Variants in MYOCD observed in about 807,000 individuals in gnomAD.
MYOCD encodes the protein myocardin.
In MYOCD, 32 loss-of-function variants were observed where a neutral mutation model predicts 96.1. That is an observed-to-expected ratio of 0.33 (90% CI 0.25 to 0.45). MYOCD has a LOEUF of 0.45. Among genes scored for constraint, MYOCD ranks in the 20% least tolerant of loss-of-function variants. The pLI is 1.00. For missense variants in MYOCD, 1,133 were observed against 1,200.6 expected, an observed-to-expected ratio of 0.94 and a Z score of 0.83; for synonymous variants, 469 against 469.0, an observed-to-expected ratio of 1.00 and a Z score of 0.00.
At chr17:12,693,459 A>C (rs1176458833) in intron 1 of MYOCD, among the ~76,000 whole-genome samples, 1 of 151,816 alleles carries the variant, frequency 6.6e-6, no homozygotes, top group Admixed American at 6.6e-5. Context: ...AAAATACAAA[A>C]ATGAGCTGGA....
Position 12,739,137 on chromosome 17 carries a change from C to CT in MYOCD, c.592-65dup, listed in dbSNP as rs1411267505. 45 of 1,537,958 alleles carry CT rather than the reference C, an allele frequency of 2.9e-5. No homozygotes were observed. The African/African-American group carries it at 3.4e-4, about 12-fold the overall frequency. The stretch of plus-strand genomic sequence containing the variant: ...AGCAGCAGAGGTATATATACGGACT[C>CT]TAACATTTCTGTGTCACACAACTTA... On this transcript the variant is annotated intron_variant, in intron 6 of 13. Coordinates refer to ENST00000425538, the MANE Select transcript of MYOCD (RefSeq NM_001146312.3).
At chr17:12,757,940 A>G (rs2033058456) in intron 11 of MYOCD, 145 bp from the exon 12 acceptor site, 2 of 653,076 alleles carry the variant, frequency 3.1e-6, no homozygotes, top group South Asian at 1.9e-5. Context: ...CTGTTAATAT[A>G]TGGGAGTTAT....
Position 12,766,046 on chromosome 17 carries a change from T to C in MYOCD, c.*2402T>C, listed in dbSNP as rs1180078229. 1 of 152,232 alleles carries C rather than the reference T, an allele frequency of 6.6e-6. No individual in the cohort carries two copies. Among genetic ancestry groups the C allele is most frequent in the Non-Finnish European group, 1.5e-5 (1 of 68,036 alleles). The allele number at this position is 152,232 out of a possible 1,614,324, so 9.4% of individuals were successfully genotyped here. A position where few individuals can be genotyped will look rare whatever the true frequency, so the allele number is the denominator to read the frequency against. On this transcript the variant is annotated 3_prime_UTR_variant, in exon 14 of 14. Transcript: ENST00000425538. ...GAAGCTACTGGGGAAGAAAACCTTATTAATACACTCCACACATTTGTTCAT... is the reference window on the plus strand; with the variant it reads ...GAAGCTACTGGGGAAGAAAACCTTACTAATACACTCCACACATTTGTTCAT...
At position 12,763,334 on chromosome 17, in the gene MYOCD, A is replaced by G; in HGVS notation, c.2651A>G (p.Asp884Gly). The G allele has an allele frequency of 1.2e-6, 2 of 1,605,508 alleles. No individual in the cohort carries two copies. Among genetic ancestry groups the G allele is most frequent in the Non-Finnish European group, 1.7e-6 (2 of 1,176,076 alleles). ...ATTGGGAGCGAAGAGCCTCACTTTG[A>G]TGGGATAATGGATGGATTCTCTGGG... Reference protein sequence around the residue: ...LKIGSEEPHFDGIMDGFSGKA... With the variant: ...LKIGSEEPHFGGIMDGFSGKA... The change falls in exon 14 of 14, where the codon GAT becomes GGT. Residue 884 changes from aspartate to glycine, a missense_variant. Physicochemically the swap from Asp to Gly is moderately conservative, Grantham distance 94. Transcript: ENST00000425538.
At chr17:12,693,623 TAG>T (rs570828787) in intron 1 of MYOCD, among the ~76,000 whole-genome samples, 100 of 122,992 alleles carry the variant, frequency 8.1e-4, no homozygotes, top group Admixed American at 2.8e-3. Context: ...AAAAATAAAA[TAG>T]AATAAAATAA....
intron 3 of MYOCD, among the ~76,000 whole-genome samples, chr17:12,716,102 A>T (rs2031631672): frequency 6.6e-6 from 1 of 152,182 alleles, no homozygotes. Flanking sequence ...CTGCAACTTG[A>T]ATTTGTCAAT....
chr17:12,761,065 A>C (rs2033155927), intron 13 of MYOCD: 2 of 187,524 alleles, frequency 1.1e-5, no homozygotes, highest in Non-Finnish European at 2.2e-5. Context: ...AAAGCAGATA[A>C]TGAACATTTT....
intron 2 of MYOCD, among the ~76,000 whole-genome samples, chr17:12,712,421 G>C (rs1467999038): frequency 6.6e-6 from 1 of 152,008 alleles, no homozygotes; most frequent in Non-Finnish European, 1.5e-5. Context: ...CAACTCCAGG[G>C]ACCCTACCCT....
intron 6 of MYOCD, among the ~76,000 whole-genome samples, chr17:12,737,283 G>C (rs2032374390): frequency 6.6e-6 from 1 of 152,084 alleles, no homozygotes; most frequent in Admixed American, 6.6e-5. Flanking sequence ...GAATAATGAT[G>C]ATTATGAACA....
chr17:12,679,378 C>T lies in MYOCD; in HGVS notation c.55+13135C>T, dbSNP rs140619478. 5.9e-3 allele frequency among the ~76,000 whole-genome samples: 896 copies of T among 152,240 alleles called. 5 individuals carry two copies. The highest frequency in any genetic ancestry group is 9.6e-3 in the Non-Finnish European group (655 of 68,016). On this transcript the variant is annotated intron_variant, in intron 1 of 13. Coordinates refer to ENST00000425538, the MANE Select transcript of MYOCD (RefSeq NM_001146312.3). Reference sequence around the variant, plus strand: ...AGGAATCCCTGGCTTAGTAGAAATGCAGCCTTCACAAAGGATTGTGTTCTT... The same window carrying T: ...AGGAATCCCTGGCTTAGTAGAAATGTAGCCTTCACAAAGGATTGTGTTCTT...
At chr17:12,694,881 C>CAAAAAAAAAAAAA (rs201215491) in intron 1 of MYOCD, among the ~76,000 whole-genome samples, 4 of 69,632 alleles carry the variant, frequency 5.7e-5, no homozygotes, top group Non-Finnish European at 5.8e-5. Flanking sequence ...AAGGAATAAC[C>CAAAAAAAAAAAAA]AAAAAAAAAA....
In MYOCD at chr17:12,753,357, C is replaced by A; in HGVS notation, c.2058+11C>A. ...GTGTGCACTGCACAGGTAAGAGCACCTTGCGCCATGCCTGGTGCACACTTC... is the reference window on the plus strand; with the variant it reads ...GTGTGCACTGCACAGGTAAGAGCACATTGCGCCATGCCTGGTGCACACTTC... On this transcript the variant is annotated intron_variant, in intron 10 of 13. Transcript: ENST00000425538. The A allele has an allele frequency of 6.5e-7, 1 of 1,542,508 alleles. No homozygotes were observed. Among genetic ancestry groups the A allele is most frequent in the Non-Finnish European group, 8.7e-7 (1 of 1,144,372 alleles).
Position 12,746,045 on chromosome 17 carries a change from A to C in MYOCD, c.1098A>C (p.Pro366=). 5.0e-6 allele frequency: 8 copies of C among 1,614,014 alleles called. No individual in the cohort carries two copies. Among genetic ancestry groups the C allele is most frequent in the Non-Finnish European group, 5.9e-6 (7 of 1,179,986 alleles). ...QTGVSSFKPG[P]LPPNLDDLKV... is the part of the protein sequence containing the mutation. ...GTGTCTCTTCTTTCAAACCAGGCCCACTCCCACCTAACCTGGATGATCTGA... is the reference window on the plus strand; with the variant it reads ...GTGTCTCTTCTTTCAAACCAGGCCCCCTCCCACCTAACCTGGATGATCTGA... The change falls in exon 9 of 14, where the codon CCA becomes CCC. Residue 366 remains proline (P), a synonymous_variant. Coordinates refer to ENST00000425538, the MANE Select transcript of MYOCD (RefSeq NM_001146312.3).
At chr17:12,730,682 C>T (rs2032144899) in intron 5 of MYOCD, among the ~76,000 whole-genome samples, 1 of 152,128 alleles carries the variant, frequency 6.6e-6, no homozygotes, top group Non-Finnish European at 1.5e-5. Context: ...CTATAGCTAC[C>T]TTTCTGTGTA....
chr17:12,705,496 A>G (rs900667498), intron 2 of MYOCD: 13 of 242,556 alleles, frequency 5.4e-5, no homozygotes, highest in African/African-American at 2.9e-4. Flanking sequence ...AATTGGATAT[A>G]ATTAATATTC....
In MYOCD at chr17:12,723,023, T is replaced by C. The variant is rs545899574; in HGVS notation, c.415+15T>C. On this transcript the variant is annotated intron_variant, in intron 5 of 13. Coordinates refer to ENST00000425538, the MANE Select transcript of MYOCD (RefSeq NM_001146312.3). Reference sequence around the variant, plus strand: ...GGCCATAAAAGGTAGTTAGAACAAATGGCATGTCTCTCCTTGGTGCTATTG... The same window carrying C: ...GGCCATAAAAGGTAGTTAGAACAAACGGCATGTCTCTCCTTGGTGCTATTG... 3.2e-5 allele frequency: 51 copies of C among 1,609,492 alleles called. No homozygotes were observed. In the East Asian group the frequency reaches 9.8e-4, roughly 31 times the overall value.
intron 7 of MYOCD, among the ~76,000 whole-genome samples, chr17:12,743,744 C>T (rs1305686893): frequency 6.6e-6 from 1 of 152,090 alleles, no homozygotes; most frequent in African/African-American, 2.4e-5. Flanking sequence ...CCACCCGCCT[C>T]GGCCTCCCAA....
At chr17:12,754,569 A>G (rs369061739) in intron 10 of MYOCD, among the ~76,000 whole-genome samples, 86 of 152,352 alleles carry the variant, frequency 5.6e-4, no homozygotes, top group African/African-American at 2.0e-3. Context: ...CAAGGATCAG[A>G]AAAAGGGCCA....
intron 8 of MYOCD, among the ~76,000 whole-genome samples, chr17:12,745,695 A>G (rs907377961): frequency 1.3e-5 from 2 of 152,276 alleles, no homozygotes; most frequent in South Asian, 4.1e-4. Context: ...CCTCTTTCAT[A>G]TGCCAAAGTC....
Sources: allele counts gnomAD v4.1 joint callset (sites outside exome capture counted in the v4.1 genomes callset), GRCh38; gene constraint gnomAD v4.1.1; transcripts MANE v1.5; gene names NCBI Gene and HGNC (gene_info 2026-07-23, HGNC 2026-07-21).